The following ZNF10 variants were observed in gnomAD, a reference collection of about 807,000 sequenced individuals.
ZNF10 encodes the protein zinc finger protein 10.
Under a neutral mutation model 12.2 loss-of-function variants are expected in ZNF10, and 8 were observed. That is an observed-to-expected ratio of 0.66 (90% CI 0.39 to 1.18). The LOEUF (loss-of-function observed/expected upper bound fraction) is 1.18, where lower values mean the gene tolerates loss of function less well. Ranked by LOEUF, ZNF10 falls within the 50% of genes most tolerant of loss-of-function variation. ZNF10 has a pLI of 0.01. For synonymous variants in ZNF10, 229 were observed against 228.2 expected, an observed-to-expected ratio of 1.00 and a Z score of -0.03; for missense variants, 603 against 678.9, an observed-to-expected ratio of 0.89 and a Z score of 1.24.
At chr12:133,149,483 G>T (rs755433861) in intron 2 of ZNF10, among the ~76,000 whole-genome samples, 1 of 144,518 alleles carries the variant, frequency 6.9e-6, no homozygotes, top group African/African-American at 2.6e-5. Flanking sequence ...TTAGCCTCCC[G>T]AGTAGCTGGG....
chr12:133,154,726 C>G (rs1211750775), intron 4 of ZNF10, among the ~76,000 whole-genome samples: 2 of 152,160 alleles, frequency 1.3e-5, no homozygotes, highest in African/African-American at 4.8e-5. Context: ...TTCTATAGTG[C>G]TTCTGTGATT....
At chr12:133,154,456 T>C (rs188130586) in intron 4 of ZNF10, among the ~76,000 whole-genome samples, 81 of 152,334 alleles carry the variant, frequency 5.3e-4, no homozygotes, top group Admixed American at 1.9e-3. Flanking sequence ...GTAAATCTTA[T>C]TGCTTTGACC....
intron 1 of ZNF10, among the ~76,000 whole-genome samples, chr12:133,131,914 T>A (rs918607231): frequency 6.6e-6 from 1 of 152,202 alleles, no homozygotes; most frequent in African/African-American, 2.4e-5. Flanking sequence ...TAAGTAGATA[T>A]GAGGCTTACC....
chr12:133,138,794 A>G (rs1040158361), intron 1 of ZNF10, among the ~76,000 whole-genome samples: 18 of 152,172 alleles, frequency 1.2e-4, no homozygotes, highest in African/African-American at 3.9e-4. Context: ...CTTAGCCCCT[A>G]GGATAGTACT....
At chr12:133,150,974 G>A in intron 2 of ZNF10, 54 bp from the exon 3 acceptor site, 2 of 1,584,688 alleles carry the variant, frequency 1.3e-6, no homozygotes, top group South Asian at 2.3e-5. Context: ...GATCAGGAAA[G>A]GGGGATAGCA....
At chr12:133,135,608 C>T (rs1462175624) in intron 1 of ZNF10, among the ~76,000 whole-genome samples, 1 of 152,160 alleles carries the variant, frequency 6.6e-6, no homozygotes, top group Non-Finnish European at 1.5e-5. Context: ...TTCGGTATCC[C>T]TCTTTCTGAC....
chr12:133,147,004 A>G (rs1955980551), intron 2 of ZNF10, among the ~76,000 whole-genome samples: 1 of 152,198 alleles, frequency 6.6e-6, no homozygotes, highest in Admixed American at 6.5e-5. Context: ...CATAAATGGA[A>G]TCTCATAGTA....
Position 133,159,118 on chromosome 12 carries a change from T to G in ZNF10, c.*2150T>G, listed in dbSNP as rs1042584867. The G allele has an allele frequency of 6.6e-6, 1 of 152,248 alleles. No individual in the cohort carries two copies. Among genetic ancestry groups the G allele is most frequent in the Non-Finnish European group, 1.5e-5 (1 of 68,044 alleles). 9.4% of individuals were successfully genotyped at this position (152,248 alleles called of 1,614,324 possible). A position where few individuals can be genotyped will look rare whatever the true frequency, so the allele number is the denominator to read the frequency against. On this transcript the variant is annotated 3_prime_UTR_variant, in exon 5 of 5. Coordinates refer to ENST00000248211, the MANE Select transcript of ZNF10 (RefSeq NM_015394.5). The stretch of plus-strand genomic sequence containing the variant: ...CGTTGTCATGTGGATTGAGATGATA[T>G]GTATGAATCACATAAAAGAGTGCCT...
chr12:133,134,329 A>G (rs2135456498), intron 1 of ZNF10, among the ~76,000 whole-genome samples: 1 of 151,920 alleles, frequency 6.6e-6, no homozygotes, highest in Non-Finnish European at 1.5e-5. Context: ...AAAAAGTAAA[A>G]GGGGGATAAG....
chr12:133,155,402 A>G, intron 4 of ZNF10, 101 bp from the exon 5 acceptor site: 1 of 1,267,246 alleles, frequency 7.9e-7, no homozygotes, highest in Non-Finnish European at 1.1e-6. Context: ...CCATATTTGA[A>G]AGCAACTGTG....
At chr12:133,136,294 C>T (rs962284913) in intron 1 of ZNF10, among the ~76,000 whole-genome samples, 9 of 152,138 alleles carry the variant, frequency 5.9e-5, no homozygotes, top group Non-Finnish European at 8.8e-5. Flanking sequence ...CTTTCTCTTC[C>T]TTCTCCACTT....
chr12:133,133,002 G>A (rs559696345), intron 1 of ZNF10, among the ~76,000 whole-genome samples: 13 of 152,012 alleles, frequency 8.6e-5, no homozygotes, highest in African/African-American at 2.9e-4. Context: ...ACATGGGTAC[G>A]TATTCCTTAA....
In ZNF10 at chr12:133,146,616, CGGGT is replaced by C. The variant is rs1177193251; in HGVS notation, c.33+2094_33+2097del. ...ATCCCAACACTTTGGGAGGCGGAGG[CGGGT>C]GGATCACTTGAGGTCAGGAGTTCGA... On this transcript the variant is annotated intron_variant, in intron 2 of 4. Transcript: ENST00000248211. Among the ~76,000 whole-genome samples the C allele has an allele frequency of 2.6e-5, 4 of 152,152 alleles. No homozygotes were observed. In the East Asian group the frequency reaches 7.7e-4, roughly 29 times the overall value.
intron 1 of ZNF10, among the ~76,000 whole-genome samples, chr12:133,137,862 G>A (rs571600244): frequency 6.6e-6 from 1 of 152,288 alleles, no homozygotes; most frequent in Admixed American, 6.5e-5. Context: ...ACTTCTCCCA[G>A]TATCCCTGCT....
At chr12:133,141,567 G>C (rs1053716908) in intron 1 of ZNF10, among the ~76,000 whole-genome samples, 1 of 152,052 alleles carries the variant, frequency 6.6e-6, no homozygotes, top group Admixed American at 6.6e-5. Context: ...AATATACCAG[G>C]TTAACAGAAG....
chr12:133,151,176 A>C (rs1209703107), intron 3 of ZNF10, 22 bp downstream of exon 3: 8 of 1,602,898 alleles, frequency 5.0e-6, no homozygotes, highest in Non-Finnish European at 6.8e-6. Flanking sequence ...TCTGTTTTTG[A>C]AGATTTTGGT....
chr12:133,134,144 C>CAAAAAAAAA (rs35470467), intron 1 of ZNF10, among the ~76,000 whole-genome samples: 2 of 68,044 alleles, frequency 2.9e-5, no homozygotes, highest in African/African-American at 4.1e-5. Context: ...ACTAAAAATA[C>CAAAAAAAAA]AAAAAAAAAA....
chr12:133,143,052 C>T (rs775009186), intron 1 of ZNF10, among the ~76,000 whole-genome samples: 9 of 152,074 alleles, frequency 5.9e-5, no homozygotes, highest in Non-Finnish European at 1.2e-4. Flanking sequence ...ATAGATGAAC[C>T]TTGAAAAATG....
At position 133,155,501 on chromosome 12, in the gene ZNF10, A is replaced by G; in HGVS notation, c.257-2A>G. 1 of 1,570,684 alleles carries G rather than the reference A, an allele frequency of 6.4e-7. No homozygotes were observed. The highest frequency in any genetic ancestry group is 8.6e-7 in the Non-Finnish European group (1 of 1,163,784). On this transcript the variant is annotated splice_acceptor_variant, in intron 4 of 4. Transcript: ENST00000248211. LOFTEE classifies it high-confidence loss of function. ...TACACAAACATTTTTCATTTCTTTCAGATTCAGAGACTGCATTTGAAATCA... is the reference window on the plus strand; with the variant it reads ...TACACAAACATTTTTCATTTCTTTCGGATTCAGAGACTGCATTTGAAATCA...
Sources: gnomAD v4.1 joint callset for allele counts (sites outside exome capture counted in the v4.1 genomes callset) on GRCh38, gnomAD v4.1.1 for gene constraint, MANE v1.5 for transcripts, NCBI Gene and HGNC (gene_info 2026-07-23, HGNC 2026-07-21) for gene names.